Variants in MPHOSPH6 observed in about 807,000 individuals in gnomAD.
MPHOSPH6 encodes M-phase phosphoprotein 6.
Under a neutral mutation model 21.8 loss-of-function variants are expected in MPHOSPH6, and 25 were observed. The ratio of observed to expected loss-of-function variants is 1.15; its 90% CI spans 0.83 to 1.60. The LOEUF (loss-of-function observed/expected upper bound fraction) is 1.60, where lower values mean the gene tolerates loss of function less well. MPHOSPH6 is among the 40% of genes most tolerant of loss of function. MPHOSPH6 has a pLI of 0.00. For missense variants in MPHOSPH6, 269 were observed against 181.8 expected (o/e 1.48, Z -2.76); for synonymous variants, 84 against 56.5 (o/e 1.49, Z -2.18).
chr16:82,156,660 GAACA>G (rs1272249896), intron 2 of MPHOSPH6, among the ~76,000 whole-genome samples: 2 of 152,050 alleles, frequency 1.3e-5, no homozygotes, highest in South Asian at 2.1e-4. Flanking sequence ...TAAAATCATA[GAACA>G]AACTAGTCTG....
intron 1 of MPHOSPH6, among the ~76,000 whole-genome samples, chr16:82,166,678 A>G (rs1006716493): frequency 3.3e-5 from 5 of 152,158 alleles, no homozygotes; most frequent in Non-Finnish European, 4.4e-5. Context: ...ATGGAAATGA[A>G]CCTAGACCTA....
chr16:82,149,899 C>T (rs1347293449), intron 3 of MPHOSPH6, among the ~76,000 whole-genome samples: 3 of 96,744 alleles, frequency 3.1e-5, no homozygotes, highest in Non-Finnish European at 7.6e-5. Flanking sequence ...TGCACCTCAG[C>T]CTTACCCTCC....
chr16:82,163,889 G>A, intron 2 of MPHOSPH6, 193 bp downstream of exon 2: 1 of 498,930 alleles, frequency 2.0e-6, no homozygotes. Context: ...TGGCTGGGAG[G>A]GGGAGTAGTA....
chr16:82,167,555 G>A (rs1340525760), intron 1 of MPHOSPH6: 1 of 155,642 alleles, frequency 6.4e-6, no homozygotes, highest in Non-Finnish European at 1.4e-5. Flanking sequence ...TGAAGAATCA[G>A]TGGAAGACCT....
chr16:82,150,911 T>C (rs1274510774), intron 3 of MPHOSPH6, among the ~76,000 whole-genome samples: 1 of 152,192 alleles, frequency 6.6e-6, no homozygotes, highest in Non-Finnish European at 1.5e-5. Context: ...AAGGTCTGCT[T>C]CTCTATCCTG....
chr16:82,163,568 A>G (rs956826606), intron 2 of MPHOSPH6, among the ~76,000 whole-genome samples: 2 of 152,264 alleles, frequency 1.3e-5, no homozygotes, highest in African/African-American at 4.8e-5. Context: ...CGAAGATTCA[A>G]TAACTACAGA....
intron 3 of MPHOSPH6, among the ~76,000 whole-genome samples, chr16:82,150,698 T>C (rs939651005): frequency 2.0e-5 from 3 of 152,214 alleles, no homozygotes; most frequent in African/African-American, 7.2e-5. Flanking sequence ...AGGGATGTGG[T>C]TCGTCATTCT....
At chr16:82,158,581 A>G (rs1906507812) in intron 2 of MPHOSPH6, among the ~76,000 whole-genome samples, 2 of 151,780 alleles carry the variant, frequency 1.3e-5, no homozygotes, top group Admixed American at 1.3e-4. Context: ...CCGAGAGATG[A>G]ATTAGACACT....
chr16:82,151,369 G>C (rs1906258845), intron 3 of MPHOSPH6, 55 bp downstream of exon 3: 2 of 1,592,648 alleles, frequency 1.3e-6, no homozygotes, highest in East Asian at 2.3e-5. Context: ...CCAATTATTA[G>C]CAGAAAAAAA....
rs1597157863 is a variant in MPHOSPH6 at position 82,148,438 on chromosome 16, G to A, written c.*293C>T. ...TAAGTCAATTCAAGGTCAGTGACTG[G>A]AGAACTATATTAAGAGAAACCTGAG... On this transcript the variant is annotated 3_prime_UTR_variant, in exon 5 of 5. Transcript: ENST00000258169. 3.9e-6 allele frequency: 1 copy of A among 254,022 alleles called. No individual in the cohort carries two copies. The allele number at this position is 254,022 out of a possible 1,614,324, so 15.7% of individuals were successfully genotyped here. A position where few individuals can be genotyped will look rare whatever the true frequency, so the allele number is the denominator to read the frequency against.
chr16:82,152,719 T>C (rs1365936680), intron 2 of MPHOSPH6, among the ~76,000 whole-genome samples: 3 of 152,206 alleles, frequency 2.0e-5, no homozygotes, highest in South Asian at 2.1e-4. Context: ...TTGCGTTCCC[T>C]GGACCAGGAT....
rs78056328 is a variant in MPHOSPH6, at chr16:82,166,950, T to C, written c.52-2756A>G. On this transcript the variant is annotated intron_variant, in intron 1 of 4. Coordinates refer to ENST00000258169, the MANE Select transcript of MPHOSPH6 (RefSeq NM_005792.2). Reference sequence around the variant, plus strand: ...AGTTCGATTCTCCTACTCTAGAGCATTTCAGAACACATTCCAAAACTAGTG... The same window carrying C: ...AGTTCGATTCTCCTACTCTAGAGCACTTCAGAACACATTCCAAAACTAGTG... Among the ~76,000 whole-genome samples, 11 of 152,302 alleles carry C rather than the reference T, an allele frequency of 7.2e-5. No individual in the cohort carries two copies. The East Asian group carries it at 2.1e-3, about 29-fold the overall frequency.
intron 2 of MPHOSPH6, 187 bp downstream of exon 2, chr16:82,163,895 T>G (rs1597164536): frequency 2.3e-5 from 11 of 488,226 alleles, no homozygotes; most frequent in Non-Finnish European, 3.6e-6. Context: ...GGAGGGGGAG[T>G]AGTAAAAATG....
At chr16:82,168,442 A>G (rs959458518) in intron 1 of MPHOSPH6, among the ~76,000 whole-genome samples, 2 of 150,106 alleles carry the variant, frequency 1.3e-5, no homozygotes, top group East Asian at 3.9e-4. Context: ...ACTCCATTCA[A>G]ATCTTGCCCA....
intron 3 of MPHOSPH6, 102 bp from the exon 4 acceptor site, chr16:82,149,505 A>G: frequency 1.1e-6 from 1 of 948,952 alleles, no homozygotes; most frequent in Non-Finnish European, 1.7e-6. Context: ...CAAATAATCT[A>G]GAGAACTAGT....
chr16:82,158,806 AC>A (rs1906516627), intron 2 of MPHOSPH6, among the ~76,000 whole-genome samples: 1 of 152,230 alleles, frequency 6.6e-6, no homozygotes, highest in East Asian at 1.9e-4. Flanking sequence ...CACTTAAAAG[AC>A]TTTTCTGTTG....
At chr16:82,153,971 A>G (rs982225879) in intron 2 of MPHOSPH6, among the ~76,000 whole-genome samples, 1 of 152,168 alleles carries the variant, frequency 6.6e-6, no homozygotes, top group African/African-American at 2.4e-5. Context: ...TTTAGGGCCC[A>G]CCCAGATAAT....
At chr16:82,160,206 T>C (rs1266608123) in intron 2 of MPHOSPH6, among the ~76,000 whole-genome samples, 1 of 152,210 alleles carries the variant, frequency 6.6e-6, no homozygotes, top group Non-Finnish European at 1.5e-5. Flanking sequence ...ATTACAGAGT[T>C]GGCAAGCAAG....
intron 2 of MPHOSPH6, among the ~76,000 whole-genome samples, chr16:82,163,250 G>C (rs1284319877): frequency 6.6e-6 from 1 of 152,220 alleles, no homozygotes; most frequent in African/African-American, 2.4e-5. Context: ...AGCATCTTCA[G>C]TCATTTGACC....
Sources: gnomAD v4.1 joint callset for allele counts (sites outside exome capture counted in the v4.1 genomes callset) on GRCh38, gnomAD v4.1.1 for gene constraint, MANE v1.5 for transcripts, NCBI Gene and HGNC (gene_info 2026-07-23, HGNC 2026-07-21) for gene names.